The following BUB1B variants were observed in gnomAD, a reference collection of about 807,000 sequenced individuals.
BUB1B encodes mitotic checkpoint serine/threonine-protein kinase BUB1 beta.
A neutral mutation model predicts 137.7 loss-of-function variants in BUB1B; 86 were observed. That is an observed-to-expected ratio of 0.62 (90% CI 0.52 to 0.75). The LOEUF is 0.75. Ranked by LOEUF, BUB1B falls within the 30% of genes least tolerant of loss-of-function variation. The probability of loss-of-function intolerance (pLI) is 0.00; values close to 1 mark genes in which losing one functional copy is unlikely to be tolerated. For missense variants in BUB1B, 1,130 were observed against 1,236.9 expected, an observed-to-expected ratio of 0.91 and a Z score of 1.30; for synonymous variants, 420 against 417.9, an observed-to-expected ratio of 1.00 and a Z score of -0.06.
At chr15:40,208,264 G>A (rs1309037014) in intron 15 of BUB1B, among the ~76,000 whole-genome samples, 2 of 152,158 alleles carry the variant, frequency 1.3e-5, no homozygotes, top group African/African-American at 4.8e-5. Context: ...AAGGCCAGGT[G>A]CAGTGGCTCA....
intron 4 of BUB1B, among the ~76,000 whole-genome samples, chr15:40,172,407 C>T (rs9806126): frequency 0.06 from 9,118 of 152,066 alleles, 898 homozygotes; most frequent in African/African-American, 0.21. Flanking sequence ...GTTGACCAGA[C>T]GCCTTACCAA....
intron 4 of BUB1B, among the ~76,000 whole-genome samples, chr15:40,172,581 C>T (rs963600332): frequency 2.6e-5 from 4 of 152,154 alleles, no homozygotes; most frequent in African/African-American, 7.2e-5. Flanking sequence ...TCTTCATCCT[C>T]GTCTTCACAT....
At chr15:40,210,922 C>T (rs1034112186) in intron 18 of BUB1B, among the ~76,000 whole-genome samples, 1 of 152,200 alleles carries the variant, frequency 6.6e-6, no homozygotes, top group Non-Finnish European at 1.5e-5. Context: ...CATGCCTTTT[C>T]ATAAGTTTGT....
intron 14 of BUB1B, among the ~76,000 whole-genome samples, chr15:40,203,098 T>C (rs2037594926): frequency 6.6e-6 from 1 of 152,158 alleles, no homozygotes; most frequent in Admixed American, 6.5e-5. Context: ...ATACAAAAAA[T>C]TTGTACACAA....
rs141104323 is a variant in BUB1B, at chr15:40,195,466, A to G, written c.1059-1079A>G. 6.0e-3 allele frequency among the ~76,000 whole-genome samples: 908 copies of G among 152,294 alleles called. 7 individuals are homozygous for G. Among genetic ancestry groups the G allele is most frequent in the African/African-American group, 0.021 (868 of 41,560 alleles). On this transcript the variant is annotated intron_variant, in intron 8 of 22. Transcript: ENST00000287598. ...ATGCATGTGCAAGTATCTTTTTCAT[A>G]TAATGACTTCTTTTCCTCTGGGTAG...
intron 4 of BUB1B, chr15:40,173,890 A>T: frequency 2.5e-6 from 1 of 393,546 alleles, no homozygotes; most frequent in Non-Finnish European, 4.9e-6. Context: ...TTGCAGAAGG[A>T]TTTCTCCAGT....
chr15:40,198,249 T>TC (rs1026041579), intron 9 of BUB1B, among the ~76,000 whole-genome samples: 1 of 151,814 alleles, frequency 6.6e-6, no homozygotes, highest in African/African-American at 2.4e-5. Flanking sequence ...GTTTTTTTTT[T>TC]TTTTAAATAG....
chr15:40,204,874 G>A (rs1317417507), intron 14 of BUB1B, among the ~76,000 whole-genome samples: 2 of 150,640 alleles, frequency 1.3e-5, no homozygotes, highest in Non-Finnish European at 2.9e-5. Flanking sequence ...GTGCTCAAGT[G>A]ATCTTCCCAC....
At chr15:40,218,771 T>A (rs148484563) in intron 22 of BUB1B, among the ~76,000 whole-genome samples, 2 of 152,352 alleles carry the variant, frequency 1.3e-5, no homozygotes, top group East Asian at 1.9e-4. Context: ...CTATTCAGAC[T>A]TCAGGACATC....
chr15:40,217,441 GCA>G, intron 20 of BUB1B, 53 bp from the exon 21 acceptor site: 19 of 1,563,746 alleles, frequency 1.2e-5, no homozygotes, highest in Non-Finnish European at 1.7e-5. Context: ...GACCAGCTAT[GCA>G]GCTTCTTTCA....
chr15:40,202,185 T>C (rs1477503084), intron 12 of BUB1B, among the ~76,000 whole-genome samples: 2 of 152,112 alleles, frequency 1.3e-5, no homozygotes, highest in African/African-American at 4.8e-5. Flanking sequence ...GTTTGGGGAG[T>C]AGTGACAGTG....
intron 20 of BUB1B, among the ~76,000 whole-genome samples, chr15:40,214,064 A>T (rs2037745966): frequency 6.6e-6 from 1 of 152,244 alleles, no homozygotes; most frequent in Admixed American, 6.5e-5. Context: ...GAGGAATATA[A>T]AGTGGATTGT....
chr15:40,165,023 T>C, intron 1 of BUB1B, 30 bp from the exon 2 acceptor site: 1 of 1,612,292 alleles, frequency 6.2e-7, no homozygotes, highest in Non-Finnish European at 8.5e-7. Context: ...AATGTTGGTA[T>C]GAGATTTACA....
chr15:40,174,027 T>C, intron 4 of BUB1B: 2 of 399,260 alleles, frequency 5.0e-6, no homozygotes, highest in East Asian at 1.5e-4. Flanking sequence ...AAAAAAAAGG[T>C]TTATTTAACT....
intron 8 of BUB1B, among the ~76,000 whole-genome samples, chr15:40,191,077 G>A (rs556740061): frequency 9.9e-5 from 15 of 152,126 alleles, no homozygotes; most frequent in African/African-American, 1.9e-4. Context: ...TAGTAGAGAC[G>A]GGGTTTCGCC....
intron 19 of BUB1B, 129 bp downstream of exon 19, chr15:40,212,777 G>T: frequency 1.1e-6 from 1 of 886,258 alleles, no homozygotes; most frequent in Non-Finnish European, 1.7e-6. Context: ...TAAGTTAGAA[G>T]CATTGATAAT....
At chr15:40,219,481 G>A (rs892119359) in intron 22 of BUB1B, among the ~76,000 whole-genome samples, 5 of 152,004 alleles carry the variant, frequency 3.3e-5, no homozygotes, top group Admixed American at 2.0e-4. Context: ...CAGCACTTTG[G>A]GAGGCCGAGG....
rs139014413 is a variant in BUB1B, at chr15:40,185,667, G to A, written c.1058+25G>A. 1.7e-4 allele frequency: 277 copies of A among 1,596,376 alleles called. No individual in the cohort carries two copies. In the African/African-American group the frequency reaches 3.4e-3, roughly 20 times the overall value. ...TGTGAGTGTGGTTTTTGGATATTTT[G>A]AAGTGGGAATTATTAAGGGTGGGCA... On this transcript the variant is annotated intron_variant, in intron 8 of 22. Transcript: ENST00000287598.
At chr15:40,186,430 CTTTTTTTTTTTTT>C (rs769074759) in intron 8 of BUB1B, among the ~76,000 whole-genome samples, 10 of 67,356 alleles carry the variant, frequency 1.5e-4, no homozygotes, top group African/African-American at 2.9e-4. Flanking sequence ...TTGCCTAGTT[CTTTTTTTTTTTTT>C]TTTTTTTTTT....
Sources: allele counts gnomAD v4.1 joint callset (sites outside exome capture counted in the v4.1 genomes callset), GRCh38; gene constraint gnomAD v4.1.1; transcripts MANE v1.5; gene names NCBI Gene and HGNC (gene_info 2026-07-23, HGNC 2026-07-21).